ZNF787: variants seen among roughly 807,000 people sequenced by gnomAD.
ZNF787 encodes the protein TTF-I-interacting peptide 20.
A neutral mutation model predicts 16.9 loss-of-function variants in ZNF787; 7 were observed. The observed-to-expected ratio is 0.42, with a 90% CI of 0.24 to 0.78. The LOEUF (loss-of-function observed/expected upper bound fraction) is 0.78. Ranked by LOEUF, ZNF787 falls within the 30% of genes least tolerant of loss-of-function variation. ZNF787 has a pLI of 0.30. For missense variants in ZNF787, 551 were observed against 589.3 expected (o/e 0.94, Z 0.67); for synonymous variants, 345 against 270.9 (o/e 1.27, Z -2.69).
In ZNF787 at chr19:56,111,655, G is replaced by A. The variant is rs573129040; in HGVS notation, c.-10-8428C>T. 1.2e-4 allele frequency among the ~76,000 whole-genome samples: 19 copies of A among 152,228 alleles called. No individual in the cohort carries two copies. In the South Asian group the frequency reaches 3.9e-3, roughly 32 times the overall value. The stretch of plus-strand genomic sequence containing the variant: ...GCTCTTCTAAGAGGGAGGCGGGAAG[G>A]AACTCCGCACCGTGGCGACCTGGGA... On this transcript the variant is annotated intron_variant, in intron 1 of 2. Transcript: ENST00000610935.
chr19:56,114,108 C>T (rs1291027455), intron 1 of ZNF787, among the ~76,000 whole-genome samples: 1 of 152,204 alleles, frequency 6.6e-6, no homozygotes, highest in Non-Finnish European at 1.5e-5. Context: ...GCCGGCTGCC[C>T]CTCAATCCAA....
chr19:56,108,711 G>C (rs931375118), intron 1 of ZNF787, among the ~76,000 whole-genome samples: 1 of 152,104 alleles, frequency 6.6e-6, no homozygotes, highest in East Asian at 1.9e-4. Context: ...CTTAAGACCA[G>C]ACACAGCAAA....
intron 2 of ZNF787, among the ~76,000 whole-genome samples, chr19:56,096,227 C>CAAA (rs1985861610): frequency 7.5e-5 from 1 of 13,390 alleles, no homozygotes. Context: ...GACCCCGTCT[C>CAAA]TAAAAAAATA....
chr19:56,092,488 C>T (rs778640969), intron 2 of ZNF787, among the ~76,000 whole-genome samples: 4 of 150,018 alleles, frequency 2.7e-5, no homozygotes, highest in Non-Finnish European at 4.4e-5. Flanking sequence ...TTCCCCTCCA[C>T]GGGAGATAAA....
intron 2 of ZNF787, among the ~76,000 whole-genome samples, chr19:56,094,468 CCCG>C (rs926881477): frequency 6.9e-6 from 1 of 144,998 alleles, no homozygotes; most frequent in Non-Finnish European, 1.5e-5. Flanking sequence ...GCCACCACGC[CCCG>C]CCTTTTTTTT....
rs973331664 is a variant in ZNF787, at chr19:56,109,038, T to A, written c.-10-5811A>T. On this transcript the variant is annotated intron_variant, in intron 1 of 2. Transcript: ENST00000610935. ...GGGAGGTGGGTGGAGTCACCCCTCC[T>A]CCACGGGAGCAAGGGAGCCGGCCAA... Among the ~76,000 whole-genome samples, 4 of 152,024 alleles carry A rather than the reference T, an allele frequency of 2.6e-5. No individual in the cohort carries two copies. In the East Asian group the frequency reaches 5.8e-4, roughly 22 times the overall value.
chr19:56,107,565 G>A (rs1317583035), intron 1 of ZNF787, among the ~76,000 whole-genome samples: 3 of 151,974 alleles, frequency 2.0e-5, no homozygotes, highest in African/African-American at 2.4e-5. Context: ...GTCACAGGGA[G>A]GGACAAGGGT....
chr19:56,103,264 T>G, intron 1 of ZNF787, 37 bp from the exon 2 acceptor site: 2 of 1,512,010 alleles, frequency 1.3e-6, no homozygotes, highest in African/African-American at 1.4e-5. Flanking sequence ...ACAGAGTTTA[T>G]GGGGTGCCAG....
chr19:56,087,922 A>C lies in ZNF787; in HGVS notation c.*101T>G, dbSNP rs1985362918. 4 of 1,284,424 alleles carry C rather than the reference A, an allele frequency of 3.1e-6. No homozygotes were observed. The highest frequency in any genetic ancestry group is 6.1e-4 in the Middle Eastern group (2 of 3,290). 79.6% of individuals were successfully genotyped at this position (1,284,424 alleles called of 1,614,324 possible). On this transcript the variant is annotated 3_prime_UTR_variant, in exon 3 of 3. Transcript: ENST00000610935. ...GGGAGCCGGGGATGCCGCGGGGTCC[A>C]TCGCACCCCGTCCGCTTCTCCCTGG...
chr19:56,105,158 T>C (rs144452736), intron 1 of ZNF787, among the ~76,000 whole-genome samples: 2 of 148,132 alleles, frequency 1.4e-5, no homozygotes, highest in Non-Finnish European at 3.0e-5. Flanking sequence ...AAATAAATAA[T>C]AAAAAAATAA....
chr19:56,091,656 TTC>T (rs1985579164), intron 2 of ZNF787, among the ~76,000 whole-genome samples: 1 of 152,238 alleles, frequency 6.6e-6, no homozygotes, highest in South Asian at 2.1e-4. Flanking sequence ...GCGATCTGGC[TTC>T]TCTACAGGCA....
intron 1 of ZNF787, among the ~76,000 whole-genome samples, chr19:56,120,835 C>A (rs1460187475): frequency 4.1e-5 from 6 of 144,698 alleles, no homozygotes; most frequent in Non-Finnish European, 9.2e-5. Context: ...AGCAGAGGGA[C>A]CCCCACCGAG....
chr19:56,112,441 G>A (rs1351453822), intron 1 of ZNF787, among the ~76,000 whole-genome samples: 1 of 152,070 alleles, frequency 6.6e-6, no homozygotes, highest in East Asian at 1.9e-4. Flanking sequence ...CCCAGCCCTT[G>A]AGAGATCCAA....
chr19:56,087,936 G>A lies in ZNF787; in HGVS notation c.*87C>T, dbSNP rs957735540. ...CCGCGGGGTCCATCGCACCCCGTCC[G>A]CTTCTCCCTGGGTCTCTTGGTCTTG... is the stretch of plus-strand genomic sequence containing the variant. On this transcript the variant is annotated 3_prime_UTR_variant, in exon 3 of 3. Transcript: ENST00000610935. 6.3e-5 allele frequency: 81 copies of A among 1,287,932 alleles called. No individual in the cohort carries two copies. Among genetic ancestry groups the A allele is most frequent in the Non-Finnish European group, 7.9e-5 (80 of 1,018,462 alleles). 79.8% of individuals were successfully genotyped at this position (1,287,932 alleles called of 1,614,324 possible).
At chr19:56,116,216 C>T (rs943173425) in intron 1 of ZNF787, among the ~76,000 whole-genome samples, 11 of 152,026 alleles carry the variant, frequency 7.2e-5, no homozygotes, top group Admixed American at 1.3e-4. Context: ...CCGAGGTGGG[C>T]GGATCACAGG....
chr19:56,101,861 T>TGCGAGGGAGAAGGCAGGGGCAGCCC (rs1986110865), intron 2 of ZNF787: 1 of 152,246 alleles, frequency 6.6e-6, no homozygotes. Context: ...CAAGGATGTA[T>TGCGAGGGAGAAGGCAGGGGCAGCCC]GCGAGGGAGA....
At chr19:56,111,090 C>G (rs1364568607) in intron 1 of ZNF787, among the ~76,000 whole-genome samples, 1 of 152,260 alleles carries the variant, frequency 6.6e-6, no homozygotes, top group Non-Finnish European at 1.5e-5. Context: ...GATTTCCCCT[C>G]TTGTTCCTAA....
rs752065223 is a variant in ZNF787 at position 56,088,018 on chromosome 19, C to G, written c.*5G>C. 1.9e-5 allele frequency: 23 copies of G among 1,217,236 alleles called. No individual in the cohort carries two copies. In the African/African-American group the frequency reaches 3.0e-4, roughly 16 times the overall value. The allele number at this position is 1,217,236 out of a possible 1,614,324, so 75.4% of individuals were successfully genotyped here. A position where few individuals can be genotyped will look rare whatever the true frequency, so the allele number is the denominator to read the frequency against. Reference sequence around the variant, plus strand: ...CCTGCCCGCCCCCCCCCCCGGGCCCCTCCCCTACCGGCCCTCCCCACCGCG... The same window carrying G: ...CCTGCCCGCCCCCCCCCCCGGGCCCGTCCCCTACCGGCCCTCCCCACCGCG... On this transcript the variant is annotated 3_prime_UTR_variant, in exon 3 of 3. Transcript: ENST00000610935. The surrounding 1 kb of genome is among the most constrained non-coding windows in gnomAD (Gnocchi z 8.6).
In ZNF787 at chr19:56,103,901, C is replaced by T. The variant is rs867334218; in HGVS notation, c.-10-674G>A. Among the ~76,000 whole-genome samples, 119 of 31,862 alleles carry T rather than the reference C, an allele frequency of 3.7e-3. 8 individuals carry two copies. Among genetic ancestry groups the T allele is most frequent in the African/African-American group, 0.016 (107 of 6,886 alleles). 20.9% of individuals were successfully genotyped at this position (31,862 alleles called of 152,430 possible). A position where few individuals can be genotyped will look rare whatever the true frequency, so the allele number is the denominator to read the frequency against. ...ACCGGGAGGGTCCCTACGCACGCCG[C>T]CGACCCGTGCCACGCACCGGGAGGG... On this transcript the variant is annotated intron_variant, in intron 1 of 2. Coordinates refer to ENST00000610935, the MANE Select transcript of ZNF787 (RefSeq NM_001002836.4).
Sources: gnomAD v4.1 joint callset for allele counts (sites outside exome capture counted in the v4.1 genomes callset) on GRCh38, gnomAD v4.1.1 for gene constraint, Gnocchi (gnomAD v3.1) non-coding constraint, MANE v1.5 for transcripts, NCBI Gene and HGNC (gene_info 2026-07-23, HGNC 2026-07-21) for gene names.